The following MYH11 variants were observed in gnomAD, a reference collection of about 807,000 sequenced individuals.
MYH11 encodes myosin-11.
Under a neutral mutation model 246.6 loss-of-function variants are expected in MYH11, and 80 were observed. That is an observed-to-expected ratio of 0.32 (90% CI 0.27 to 0.39). MYH11 has a LOEUF of 0.39. Ranked by LOEUF, MYH11 falls within the 10% of genes least tolerant of loss-of-function variation. The pLI is 1.00. For missense variants in MYH11, 2,158 were observed against 2,546.8 expected (o/e 0.85, Z 3.29); for synonymous variants, 1,071 against 1,015.5 (o/e 1.05, Z -1.04).
At chr16:15,824,789 C>A (rs1176725825) in intron 2 of MYH11, among the ~76,000 whole-genome samples, 1 of 152,190 alleles carries the variant, frequency 6.6e-6, no homozygotes, top group Non-Finnish European at 1.5e-5. Flanking sequence ...ATGTCCATAT[C>A]TAAGAAGAAA....
At chr16:15,834,073 T>TA (rs2043824703) in intron 2 of MYH11, among the ~76,000 whole-genome samples, 1 of 151,188 alleles carries the variant, frequency 6.6e-6, no homozygotes, top group African/African-American at 2.4e-5. Flanking sequence ...TCATATGCCC[T>TA]TTTTTTTTCT....
At chr16:15,714,507 G>T (rs375450455) in intron 40 of MYH11, 2 of 330,022 alleles carry the variant, frequency 6.1e-6, no homozygotes. Context: ...GTGCTGAGGG[G>T]GAGAAAGGAG....
intron 1 of MYH11, among the ~76,000 whole-genome samples, chr16:15,852,881 C>A (rs771604084): frequency 6.6e-5 from 10 of 152,054 alleles, no homozygotes; most frequent in Non-Finnish European, 7.4e-5. Flanking sequence ...ATTAGAATCC[C>A]GATCTGTTTG....
chr16:15,782,017 C>T (rs906575845), intron 6 of MYH11, among the ~76,000 whole-genome samples: 11 of 152,068 alleles, frequency 7.2e-5, no homozygotes, highest in Non-Finnish European at 1.5e-4. Context: ...GGGTCTAGCC[C>T]ATACCAGGTG....
intron 36 of MYH11, chr16:15,718,821 C>T (rs2040311640): frequency 4.9e-6 from 2 of 407,996 alleles, no homozygotes; most frequent in African/African-American, 2.0e-5. Flanking sequence ...GCTTCGTCAG[C>T]AGCAGCATTG....
At chr16:15,740,872 C>T (rs72772025) in intron 22 of MYH11, among the ~76,000 whole-genome samples, 27,981 of 152,150 alleles carry the variant, frequency 0.18, 3,394 homozygotes, top group Middle Eastern at 0.37. Context: ...TTGCGGCTTC[C>T]TTTCTCCTCT....
chr16:15,763,741 T>TGGGGGGCCCCCC, intron 10 of MYH11, 55 bp downstream of exon 10: 8 of 646,838 alleles, frequency 1.2e-5, no homozygotes, highest in African/African-American at 2.1e-5. Context: ...AAATGTCACC[T>TGGGGGGCCCCCC]CCCCCACCCC....
chr16:15,712,720 CG>C (rs967966804), intron 40 of MYH11, among the ~76,000 whole-genome samples: 1 of 151,688 alleles, frequency 6.6e-6, no homozygotes, highest in African/African-American at 2.4e-5. Context: ...TGGATGGTGT[CG>C]GGGAAGTCCA....
chr16:15,735,076 G>A (rs191296898), intron 26 of MYH11, among the ~76,000 whole-genome samples: 2 of 151,820 alleles, frequency 1.3e-5, no homozygotes, highest in African/African-American at 4.8e-5. Flanking sequence ...CTACTCAGGA[G>A]GCTGAGGCAT....
At position 15,753,464 on chromosome 16, in the gene MYH11, C is replaced by T. The variant is rs749272388; in HGVS notation, c.1794G>A (p.Pro598=). 13 of 1,614,134 alleles carry T rather than the reference C, an allele frequency of 8.1e-6. No homozygotes were observed. Among genetic ancestry groups the T allele is most frequent in the East Asian group, 2.2e-5 (1 of 44,868 alleles). ...GCAGGGAAGTCACGTTGTCATTCAG[C>T]GGGTCCATATTCTTGGTCAGCCAGG... The part of the protein sequence containing the change: ...ASAWLTKNMD[P]LNDNVTSLLN... The change falls in exon 15 of 41, where the codon CCG becomes CCA. Residue 598 remains proline, a synonymous_variant. Coordinates refer to ENST00000300036, the MANE Select transcript of MYH11 (RefSeq NM_002474.3).
intron 19 of MYH11, 25 bp from the exon 20 acceptor site, chr16:15,745,262 C>T (rs749708330): frequency 6.0e-5 from 94 of 1,558,870 alleles, no homozygotes; most frequent in African/African-American, 2.4e-4. Context: ...AGAGAAGGTG[C>T]GGGGGTCATG....
chr16:15,738,505 C>A (rs2041185689), intron 24 of MYH11, 60 bp downstream of exon 24: 3 of 1,500,714 alleles, frequency 2.0e-6, no homozygotes, highest in African/African-American at 1.4e-5. Context: ...AGAGCAAGAC[C>A]TCATCTCTAA....
chr16:15,784,806 C>T (rs1310502432), intron 5 of MYH11: 2 of 1,478,378 alleles, frequency 1.4e-6, no homozygotes, highest in African/African-American at 1.4e-5. Context: ...TGACTTTGAT[C>T]CCCCCAAACA....
intron 19 of MYH11, among the ~76,000 whole-genome samples, chr16:15,746,313 T>C (rs961759090): frequency 6.6e-6 from 1 of 152,006 alleles, no homozygotes; most frequent in East Asian, 1.9e-4. Flanking sequence ...GGGCTATCGA[T>C]AGATTGAGAA....
At chr16:15,807,649 C>G (rs1026233026) in intron 3 of MYH11, among the ~76,000 whole-genome samples, 8 of 152,134 alleles carry the variant, frequency 5.3e-5, no homozygotes, top group African/African-American at 1.7e-4. Context: ...GGCCGGCCAT[C>G]ATCAGGACCC....
intron 1 of MYH11, among the ~76,000 whole-genome samples, chr16:15,854,198 C>T (rs557220607): frequency 3.3e-5 from 5 of 152,280 alleles, no homozygotes; most frequent in Admixed American, 3.3e-4. Flanking sequence ...GAAGCTTCTC[C>T]TTTAACGGCC....
chr16:15,722,173 C>T (rs976994028), intron 31 of MYH11, among the ~76,000 whole-genome samples: 3 of 152,052 alleles, frequency 2.0e-5, no homozygotes, highest in South Asian at 2.1e-4. Context: ...CCTTGTGCTT[C>T]GAAACCACTA....
intron 37 of MYH11, chr16:15,718,059 G>T: frequency 3.5e-6 from 2 of 575,086 alleles, no homozygotes; most frequent in Admixed American, 6.1e-5. Context: ...CTCCAGGGAT[G>T]GCCGTGAGGT....
intron 9 of MYH11, 137 bp downstream of exon 9, chr16:15,771,429 TTCC>T (rs1284641838): frequency 6.7e-6 from 7 of 1,043,724 alleles, no homozygotes; most frequent in African/African-American, 1.7e-5. Context: ...AAAATTCATT[TTCC>T]TCCTTTTTTT....
Sources: allele counts gnomAD v4.1 joint callset (sites outside exome capture counted in the v4.1 genomes callset), GRCh38; gene constraint gnomAD v4.1.1; transcripts MANE v1.5; gene names NCBI Gene and HGNC (gene_info 2026-07-23, HGNC 2026-07-21).